SNTG1: variants seen among roughly 807,000 people sequenced by gnomAD.
The protein encoded by SNTG1 is syntrophin gamma 1, also known as gamma-1-syntrophin.
In SNTG1, 39 loss-of-function variants were observed where a neutral mutation model predicts 74.7. The observed-to-expected ratio is 0.52, with a 90% CI of 0.40 to 0.68. The LOEUF is 0.68. Ranked by LOEUF, SNTG1 falls within the 30% of genes least tolerant of loss-of-function variation. The pLI is 0.00. For synonymous variants in SNTG1, 254 were observed against 217.1 expected (o/e 1.17, Z -1.49); for missense variants, 685 against 609.5 (o/e 1.12, Z -1.30).
chr8:50,758,498 G>C (rs1413902483), intron 18 of SNTG1, among the ~76,000 whole-genome samples: 1 of 151,906 alleles, frequency 6.6e-6, no homozygotes, highest in African/African-American at 2.4e-5. Context: ...ACAAGCTCCA[G>C]TGTGTGTTGT....
chr8:50,582,258 G>C (rs1256485879), intron 12 of SNTG1, among the ~76,000 whole-genome samples: 1 of 152,114 alleles, frequency 6.6e-6, no homozygotes, highest in Admixed American at 6.5e-5. Context: ...GCTATTCTCT[G>C]TCTTCATTCA....
chr8:50,425,641 T>C (rs981275883), intron 4 of SNTG1, among the ~76,000 whole-genome samples: 3 of 152,146 alleles, frequency 2.0e-5, no homozygotes, highest in Non-Finnish European at 2.9e-5. Context: ...ACTTGGTCTG[T>C]GGAAAAATCG....
At chr8:50,326,315 G>A (rs185873272) in intron 2 of SNTG1, among the ~76,000 whole-genome samples, 197 of 152,092 alleles carry the variant, frequency 1.3e-3, no homozygotes, top group African/African-American at 4.6e-3. Context: ...TTTGGTAGAA[G>A]CGTTTTGCTT....
At chr8:49,935,239 G>T (rs867711799) in intron 1 of SNTG1, among the ~76,000 whole-genome samples, 1 of 143,508 alleles carries the variant, frequency 7.0e-6, no homozygotes. Flanking sequence ...GTGTGTGTGT[G>T]TTTGTGTGTG....
intron 17 of SNTG1, among the ~76,000 whole-genome samples, chr8:50,746,569 G>C (rs1240052410): frequency 6.6e-6 from 1 of 151,818 alleles, no homozygotes; most frequent in Non-Finnish European, 1.5e-5. Flanking sequence ...TGGAGCCTAA[G>C]AAGTCACAAT....
chr8:50,598,630 G>C (rs2094749051), intron 13 of SNTG1, among the ~76,000 whole-genome samples: 1 of 151,940 alleles, frequency 6.6e-6, no homozygotes, highest in African/African-American at 2.4e-5. Flanking sequence ...ATTGTCATTT[G>C]ATAAGGATTT....
chr8:50,716,488 A>G (rs1334970615), intron 17 of SNTG1, among the ~76,000 whole-genome samples: 1 of 152,076 alleles, frequency 6.6e-6, no homozygotes, highest in African/African-American at 2.4e-5. Context: ...CTTCAGATAA[A>G]TTATTTCTTC....
At chr8:50,023,029 C>A (rs960794541) in intron 1 of SNTG1, among the ~76,000 whole-genome samples, 2 of 152,088 alleles carry the variant, frequency 1.3e-5, no homozygotes, top group Non-Finnish European at 2.9e-5. Flanking sequence ...TGTGAATATA[C>A]GATAGGAAAA....
intron 16 of SNTG1, among the ~76,000 whole-genome samples, chr8:50,706,831 C>T (rs924887184): frequency 6.6e-6 from 1 of 151,540 alleles, no homozygotes; most frequent in African/African-American, 2.4e-5. Context: ...TTTATCACTT[C>T]CAGTAAAGTT....
At chr8:50,426,721 G>C (rs2093168043) in intron 4 of SNTG1, among the ~76,000 whole-genome samples, 1 of 151,956 alleles carries the variant, frequency 6.6e-6, no homozygotes, top group South Asian at 2.1e-4. Flanking sequence ...TTATAAAGTA[G>C]TGTGCTATCA....
At chr8:49,917,941 C>T (rs1411111277) in intron 1 of SNTG1, among the ~76,000 whole-genome samples, 1 of 150,850 alleles carries the variant, frequency 6.6e-6, no homozygotes, top group African/African-American at 2.5e-5. Context: ...TGTGTGAAAT[C>T]TACTTTTTGC....
chr8:50,019,418 A>G (rs1206016270), intron 1 of SNTG1, among the ~76,000 whole-genome samples: 1 of 152,068 alleles, frequency 6.6e-6, no homozygotes, highest in Non-Finnish European at 1.5e-5. Context: ...TAAGATGGAT[A>G]AAGAACAGTG....
At chr8:50,530,339 C>A in intron 10 of SNTG1, 80 bp downstream of exon 10, 3 of 1,305,080 alleles carry the variant, frequency 2.3e-6, no homozygotes, top group South Asian at 1.2e-5. Context: ...TCTGATTTAT[C>A]TGACAGATAG....
At chr8:50,783,352 A>G (rs2131841363) in intron 18 of SNTG1, among the ~76,000 whole-genome samples, 1 of 152,336 alleles carries the variant, frequency 6.6e-6, no homozygotes, top group African/African-American at 2.4e-5. Flanking sequence ...GGCTCCACCC[A>G]GTTTGAGCTT....
At chr8:50,445,221 G>A (rs1587653947) in intron 5 of SNTG1, among the ~76,000 whole-genome samples, 2 of 152,168 alleles carry the variant, frequency 1.3e-5, no homozygotes, top group African/African-American at 2.4e-5. Context: ...GCACATGCCC[G>A]TATTCCTCCA....
chr8:50,428,196 G>T (rs2093188237), intron 4 of SNTG1, among the ~76,000 whole-genome samples: 1 of 152,284 alleles, frequency 6.6e-6, no homozygotes. Context: ...TGTAGTCCTA[G>T]ATACTGGAGA....
chr8:50,582,322 A>C (rs2094615589), intron 12 of SNTG1, among the ~76,000 whole-genome samples: 1 of 152,168 alleles, frequency 6.6e-6, no homozygotes, highest in African/African-American at 2.4e-5. Flanking sequence ...TCTAGGTGCA[A>C]GTCGGTGCAG....
intron 15 of SNTG1, among the ~76,000 whole-genome samples, chr8:50,675,543 A>G (rs1435693738): frequency 3.3e-5 from 5 of 151,630 alleles, no homozygotes; most frequent in African/African-American, 4.8e-5. Context: ...TTCTGAGCCT[A>G]TGTGTGTCTT....
intron 2 of SNTG1, among the ~76,000 whole-genome samples, chr8:50,226,011 C>T (rs535857379): frequency 5.9e-5 from 9 of 152,012 alleles, no homozygotes; most frequent in South Asian, 4.2e-4. Context: ...AACATGATAC[C>T]GATTCTTTAT....
Sources: gnomAD v4.1 joint callset for allele counts (sites outside exome capture counted in the v4.1 genomes callset) on GRCh38, gnomAD v4.1.1 for gene constraint, MANE v1.5 for transcripts, NCBI Gene and HGNC (gene_info 2026-07-23, HGNC 2026-07-21) for gene names.